Variants in MACROD2 observed in about 807,000 individuals in gnomAD.
MACROD2 encodes ADP-ribose glycohydrolase MACROD2.
Under a neutral mutation model 70.4 loss-of-function variants are expected in MACROD2, and 36 were observed. The observed-to-expected ratio is 0.51, with a 90% CI of 0.39 to 0.68. The LOEUF (loss-of-function observed/expected upper bound fraction) is 0.68. Ranked by LOEUF, MACROD2 falls within the 30% of genes least tolerant of loss-of-function variation. The pLI is 0.00. For synonymous variants in MACROD2, 172 were observed against 178.8 expected (o/e 0.96, Z 0.30); for missense variants, 496 against 538.4 (o/e 0.92, Z 0.78).
chr20:15,744,693 TACACACACACACACACACACACAC>T (rs11467530), intron 8 of MACROD2, among the ~76,000 whole-genome samples: 4 of 148,228 alleles, frequency 2.7e-5, no homozygotes, highest in African/African-American at 7.4e-5. Flanking sequence ...AAACCAAGTA[TACACACACACACACACACACACAC>T]ACACACACAC....
intron 7 of MACROD2, among the ~76,000 whole-genome samples, chr20:15,492,176 G>A (rs1374836603): frequency 2.0e-5 from 3 of 152,188 alleles, no homozygotes; most frequent in African/African-American, 4.8e-5. Flanking sequence ...GGCTGGTCTA[G>A]CAAGTGCTTA....
chr20:14,032,433 C>T (rs117516285), intron 2 of MACROD2, among the ~76,000 whole-genome samples: 3,719 of 152,204 alleles, frequency 0.024, 62 homozygotes, highest in Middle Eastern at 0.041. Flanking sequence ...TATATGAGTA[C>T]CTGTTTTCTC....
chr20:14,833,198 T>C (rs1450233015), intron 5 of MACROD2, among the ~76,000 whole-genome samples: 2 of 152,114 alleles, frequency 1.3e-5, no homozygotes, highest in East Asian at 3.9e-4. Flanking sequence ...TGTTCAGGCG[T>C]TTATCACTAA....
chr20:15,161,122 C>A (rs1463982805), intron 5 of MACROD2, among the ~76,000 whole-genome samples: 2 of 151,932 alleles, frequency 1.3e-5, no homozygotes, highest in African/African-American at 4.8e-5. Flanking sequence ...TGTCAGTTCA[C>A]CTCTCTGAGT....
intron 4 of MACROD2, among the ~76,000 whole-genome samples, chr20:14,635,041 T>C (rs1380585341): frequency 1.3e-5 from 2 of 152,134 alleles, no homozygotes; most frequent in Admixed American, 6.5e-5. Flanking sequence ...CAGAGTGCAA[T>C]GAGGATATGG....
At chr20:14,446,825 G>A (rs566167980) in intron 3 of MACROD2, among the ~76,000 whole-genome samples, 1 of 152,170 alleles carries the variant, frequency 6.6e-6, no homozygotes, top group South Asian at 2.1e-4. Context: ...AAAAGGCAAA[G>A]AAAATAGTAT....
At chr20:15,156,737 A>T (rs1292084057) in intron 5 of MACROD2, among the ~76,000 whole-genome samples, 3 of 152,150 alleles carry the variant, frequency 2.0e-5, no homozygotes, top group Non-Finnish European at 4.4e-5. Flanking sequence ...GGGTCTTCAG[A>T]GGAAATAAGT....
At chr20:15,786,891 G>C (rs1351146130) in intron 8 of MACROD2, among the ~76,000 whole-genome samples, 1 of 152,196 alleles carries the variant, frequency 6.6e-6, no homozygotes, top group Non-Finnish European at 1.5e-5. Context: ...AAGTGATTGA[G>C]ATGGCATACA....
intron 3 of MACROD2, among the ~76,000 whole-genome samples, chr20:14,385,857 A>G (rs2122785742): frequency 6.6e-6 from 1 of 152,342 alleles, no homozygotes; most frequent in Middle Eastern, 3.4e-3. Context: ...TCAGATAACA[A>G]CTGCATATTA....
chr20:15,580,572 C>T (rs190658585), intron 8 of MACROD2, among the ~76,000 whole-genome samples: 2 of 152,296 alleles, frequency 1.3e-5, no homozygotes, highest in East Asian at 3.9e-4. Flanking sequence ...CTACTATTTC[C>T]TCAGGCTGAG....
chr20:14,916,497 T>C (rs1271707874), intron 5 of MACROD2, among the ~76,000 whole-genome samples: 2 of 152,112 alleles, frequency 1.3e-5, no homozygotes, highest in Admixed American at 6.5e-5. Context: ...GTTTGTGAAA[T>C]AGAAATGATC....
intron 7 of MACROD2, among the ~76,000 whole-genome samples, chr20:15,479,894 A>C (rs1159982884): frequency 2.0e-5 from 3 of 152,242 alleles, no homozygotes; most frequent in Non-Finnish European, 4.4e-5. Context: ...ATGTATGTAA[A>C]TATAAAAACA....
At chr20:14,119,537 T>C (rs1484079586) in intron 3 of MACROD2, among the ~76,000 whole-genome samples, 1 of 152,154 alleles carries the variant, frequency 6.6e-6, no homozygotes, top group South Asian at 2.1e-4. Flanking sequence ...TTCTGTAACA[T>C]TCCTGGATTG....
At chr20:15,522,852 T>C (rs77967954) in intron 8 of MACROD2, among the ~76,000 whole-genome samples, 126 of 152,302 alleles carry the variant, frequency 8.3e-4, no homozygotes, top group Non-Finnish European at 1.7e-3. Context: ...GCCTTTTGGA[T>C]CTAGGAGACG....
intron 3 of MACROD2, among the ~76,000 whole-genome samples, chr20:14,425,436 C>T (rs62204376): frequency 0.16 from 23,584 of 152,100 alleles, 2,604 homozygotes; most frequent in Non-Finnish European, 0.22. Flanking sequence ...GTATGAAAAG[C>T]GATCAAGAAC....
At chr20:14,428,315 C>T (rs112456379) in intron 3 of MACROD2, among the ~76,000 whole-genome samples, 5 of 152,058 alleles carry the variant, frequency 3.3e-5, no homozygotes, top group East Asian at 3.9e-4. Context: ...AAATATGACT[C>T]GATTAATAAG....
intron 2 of MACROD2, among the ~76,000 whole-genome samples, chr20:14,025,426 T>C (rs1344417748): frequency 2.6e-5 from 4 of 152,198 alleles, no homozygotes; most frequent in Non-Finnish European, 4.4e-5. Flanking sequence ...TTGTTTGCTC[T>C]TGCTTCTCTA....
At chr20:14,344,560 G>A (rs912489257) in intron 3 of MACROD2, among the ~76,000 whole-genome samples, 3 of 151,898 alleles carry the variant, frequency 2.0e-5, no homozygotes, top group Non-Finnish European at 4.4e-5. Context: ...TTTTTGTTTT[G>A]TTTGACATTT....
chr20:14,586,732 A>C (rs1402760450), intron 4 of MACROD2, among the ~76,000 whole-genome samples: 1 of 152,008 alleles, frequency 6.6e-6, no homozygotes, highest in Non-Finnish European at 1.5e-5. Flanking sequence ...TAGTCTCCCA[A>C]AGTTTTGATA....
Sources: gnomAD v4.1 joint callset for allele counts (sites outside exome capture counted in the v4.1 genomes callset) on GRCh38, gnomAD v4.1.1 for gene constraint, MANE v1.5 for transcripts, NCBI Gene and HGNC (gene_info 2026-07-23, HGNC 2026-07-21) for gene names.